The following NELL1 variants were observed in gnomAD, a reference collection of about 807,000 sequenced individuals.
NELL1 encodes the protein neural EGFL like 1, also known as protein kinase C-binding protein NELL1.
Under a neutral mutation model 107.4 loss-of-function variants are expected in NELL1, and 76 were observed. That is an observed-to-expected ratio of 0.71 (90% CI 0.59 to 0.86). NELL1 has a LOEUF of 0.86. Ranked by LOEUF, NELL1 falls within the 40% of genes least tolerant of loss-of-function variation. The probability of loss-of-function intolerance (pLI) is 0.00; values close to 1 mark genes in which losing one functional copy is unlikely to be tolerated. For missense variants in NELL1, 1,024 were observed against 1,005.5 expected (o/e 1.02, Z -0.25); for synonymous variants, 353 against 341.2 (o/e 1.03, Z -0.38).
chr11:21,482,711 C>T (rs1479526519), intron 15 of NELL1, among the ~76,000 whole-genome samples: 42 of 150,806 alleles, frequency 2.8e-4, no homozygotes, highest in African/African-American at 9.8e-4. Flanking sequence ...ACTCAGTGGC[C>T]CTCAATCATG....
chr11:21,065,888 TTCA>T (rs2134370228), intron 12 of NELL1, among the ~76,000 whole-genome samples: 1 of 152,338 alleles, frequency 6.6e-6, no homozygotes, highest in South Asian at 2.1e-4. Context: ...TTTCCCCTTG[TTCA>T]TCAGAATGGA....
chr11:20,711,721 G>T (rs1246084338), intron 2 of NELL1, among the ~76,000 whole-genome samples: 2 of 151,636 alleles, frequency 1.3e-5, no homozygotes, highest in African/African-American at 2.4e-5. Context: ...AACCCCTTTT[G>T]GCTTGAAAAG....
chr11:20,807,209 G>C (rs1857403537), intron 3 of NELL1, among the ~76,000 whole-genome samples: 1 of 152,282 alleles, frequency 6.6e-6, no homozygotes, highest in Admixed American at 6.5e-5. Flanking sequence ...GGTATTTGAA[G>C]GGACTTGGGT....
At chr11:21,528,751 A>G (rs1219049658) in intron 15 of NELL1, among the ~76,000 whole-genome samples, 4 of 152,202 alleles carry the variant, frequency 2.6e-5, no homozygotes, top group Non-Finnish European at 5.9e-5. Flanking sequence ...TAACTTGCTC[A>G]AAGTCAAAGT....
chr11:21,540,307 C>G (rs559807164), intron 16 of NELL1, among the ~76,000 whole-genome samples: 1 of 152,066 alleles, frequency 6.6e-6, no homozygotes, highest in Non-Finnish European at 1.5e-5. Context: ...ATGTTTGAAC[C>G]CATTGACCAA....
At position 21,575,480 on chromosome 11, in the gene NELL1, T is replaced by C. The variant is rs2134018764; in HGVS notation, c.*458T>C. The stretch of plus-strand genomic sequence containing the variant: ...ACTTTTGTCCCATCTACTGCATACT[T>C]AGTGCTGAGATCCCTGTAAAATGTT... On this transcript the variant is annotated 3_prime_UTR_variant, in exon 20 of 20. Transcript: ENST00000357134. 1 of 163,300 alleles carries C rather than the reference T, an allele frequency of 6.1e-6. No individual in the cohort carries two copies. The highest frequency in any genetic ancestry group is 1.7e-4 in the South Asian group (1 of 5,950). The allele number at this position is 163,300 out of a possible 1,614,324, so 10.1% of individuals were successfully genotyped here. A position where few individuals can be genotyped will look rare whatever the true frequency, so the allele number is the denominator to read the frequency against.
chr11:21,251,542 C>G (rs577257206), intron 14 of NELL1, among the ~76,000 whole-genome samples: 2 of 152,066 alleles, frequency 1.3e-5, no homozygotes, highest in East Asian at 3.9e-4. Flanking sequence ...CAGCCCCCCA[C>G]CTCCACCCGC....
intron 12 of NELL1, among the ~76,000 whole-genome samples, chr11:21,018,348 A>T (rs937308761): frequency 2.6e-5 from 4 of 152,122 alleles, no homozygotes; most frequent in South Asian, 2.1e-4. Context: ...ATTAGAGGCC[A>T]TGCTGTTACA....
intron 17 of NELL1, among the ~76,000 whole-genome samples, chr11:21,564,617 G>A (rs536009728): frequency 6.6e-6 from 1 of 151,880 alleles, no homozygotes; most frequent in African/African-American, 2.4e-5. Context: ...ATTTCTTGCA[G>A]TTAAAAAATG....
intron 16 of NELL1, among the ~76,000 whole-genome samples, chr11:21,539,980 T>A (rs2133977246): frequency 6.6e-6 from 1 of 152,058 alleles, no homozygotes; most frequent in Admixed American, 6.5e-5. Flanking sequence ...TCCTGAAGAT[T>A]CATATTCAGT....
intron 15 of NELL1, among the ~76,000 whole-genome samples, chr11:21,507,950 T>A (rs1212348849): frequency 6.6e-6 from 1 of 151,880 alleles, no homozygotes; most frequent in African/African-American, 2.4e-5. Flanking sequence ...CTGGCTAATT[T>A]TTGTATCTTT....
At chr11:21,265,370 G>A (rs1848614913) in intron 14 of NELL1, among the ~76,000 whole-genome samples, 4 of 151,950 alleles carry the variant, frequency 2.6e-5, no homozygotes, top group Admixed American at 1.3e-4. Flanking sequence ...CAGTGGATTT[G>A]GTATTATATA....
At chr11:21,526,186 G>T (rs1023873894) in intron 15 of NELL1, among the ~76,000 whole-genome samples, 1 of 152,136 alleles carries the variant, frequency 6.6e-6, no homozygotes, top group Admixed American at 6.5e-5. Context: ...AGAGACTACA[G>T]GCCCCACACA....
At chr11:20,684,655 T>C (rs1308736281) in intron 2 of NELL1, among the ~76,000 whole-genome samples, 1 of 152,152 alleles carries the variant, frequency 6.6e-6, no homozygotes, top group Non-Finnish European at 1.5e-5. Context: ...ATTGTGAATT[T>C]TACCGTCTTT....
At chr11:20,671,455 T>C (rs1278622956) in intron 1 of NELL1, among the ~76,000 whole-genome samples, 1 of 152,224 alleles carries the variant, frequency 6.6e-6, no homozygotes, top group Non-Finnish European at 1.5e-5. Flanking sequence ...AAATCCTTTG[T>C]TCTCATTACT....
chr11:21,074,462 A>G (rs767373372), intron 12 of NELL1, among the ~76,000 whole-genome samples: 10 of 152,178 alleles, frequency 6.6e-5, no homozygotes, highest in Non-Finnish European at 1.5e-4. Context: ...TAGAAACTGT[A>G]TTATATATAA....
chr11:21,471,176 A>G (rs1380257634), intron 15 of NELL1, among the ~76,000 whole-genome samples: 1 of 152,042 alleles, frequency 6.6e-6, no homozygotes, highest in East Asian at 1.9e-4. Context: ...AAATGGTCCC[A>G]TACATGAATC....
intron 13 of NELL1, among the ~76,000 whole-genome samples, chr11:21,226,971 G>T (rs1237173800): frequency 6.6e-6 from 1 of 152,146 alleles, no homozygotes; most frequent in Non-Finnish European, 1.5e-5. Flanking sequence ...GGACAGCAAA[G>T]ATGCCACCTC....
At chr11:21,185,484 G>A (rs1165417874) in intron 13 of NELL1, among the ~76,000 whole-genome samples, 4 of 151,508 alleles carry the variant, frequency 2.6e-5, no homozygotes, top group South Asian at 2.1e-4. Context: ...TAGTAGAGAC[G>A]GAGTTCCACC....
Sources: gnomAD v4.1 joint callset for allele counts (sites outside exome capture counted in the v4.1 genomes callset) on GRCh38, gnomAD v4.1.1 for gene constraint, MANE v1.5 for transcripts, NCBI Gene and HGNC (gene_info 2026-07-23, HGNC 2026-07-21) for gene names.